Variants in TNPO3 observed in about 807,000 individuals in gnomAD.
TNPO3 encodes transportin-3.
Under a neutral mutation model 122.8 loss-of-function variants are expected in TNPO3, and 65 were observed. The observed-to-expected ratio is 0.53, with a 90% CI of 0.43 to 0.65. TNPO3 has a LOEUF of 0.65. Among genes scored for constraint, TNPO3 ranks in the 30% least tolerant of loss-of-function variants. The probability of loss-of-function intolerance (pLI) is 0.00; values close to 1 mark genes in which losing one functional copy is unlikely to be tolerated. For synonymous variants in TNPO3, 372 were observed against 411.2 expected (o/e 0.90, Z 1.15); for missense variants, 850 against 1,136.7 (o/e 0.75, Z 3.63).
chr7:129,024,107 A>G (rs1042350953), intron 1 of TNPO3, among the ~76,000 whole-genome samples: 1 of 152,212 alleles, frequency 6.6e-6, no homozygotes, highest in Non-Finnish European at 1.5e-5. Context: ...AGGAAGTGAC[A>G]TTCTGGGACT....
chr7:128,973,730 C>T (rs370972877), intron 18 of TNPO3, among the ~76,000 whole-genome samples: 15 of 43,840 alleles, frequency 3.4e-4, no homozygotes, highest in East Asian at 1.5e-3. Flanking sequence ...AGCGAGACTC[C>T]GTCTCAAAAA....
chr7:129,020,029 A>G (rs886340566), intron 1 of TNPO3, among the ~76,000 whole-genome samples: 3 of 151,944 alleles, frequency 2.0e-5, no homozygotes, highest in African/African-American at 7.3e-5. Flanking sequence ...TTAGCTGGGC[A>G]TGGTGGCATG....
chr7:128,968,953 T>C (rs1291178533), intron 20 of TNPO3, among the ~76,000 whole-genome samples: 1 of 152,012 alleles, frequency 6.6e-6, no homozygotes, highest in Non-Finnish European at 1.5e-5. Context: ...CTCAAGCTCC[T>C]GGCGTCAAGT....
chr7:128,962,620 G>A (rs1797576972), intron 21 of TNPO3, among the ~76,000 whole-genome samples: 1 of 150,806 alleles, frequency 6.6e-6, no homozygotes, highest in South Asian at 2.1e-4. Context: ...TTACTAAGAG[G>A]GGATGAGCAA....
intron 12 of TNPO3, among the ~76,000 whole-genome samples, chr7:128,986,276 A>T (rs1233062920): frequency 6.6e-6 from 1 of 152,190 alleles, no homozygotes; most frequent in African/African-American, 2.4e-5. Flanking sequence ...CTGGATAGAC[A>T]ATCACTCAGT....
At chr7:128,992,206 C>A in intron 9 of TNPO3, 116 bp from the exon 10 acceptor site, 1 of 548,564 alleles carries the variant, frequency 1.8e-6, no homozygotes, top group Non-Finnish European at 3.2e-6. Context: ...ATCTAATTAC[C>A]TCTCAAGCCA....
At chr7:129,053,781 CATTA>C (rs753119573) in intron 1 of TNPO3, among the ~76,000 whole-genome samples, 1 of 152,168 alleles carries the variant, frequency 6.6e-6, no homozygotes, top group Non-Finnish European at 1.5e-5. Context: ...GTACATCCTA[CATTA>C]GAACCTAAGT....
At chr7:128,990,404 C>T (rs1019874562) in intron 10 of TNPO3, among the ~76,000 whole-genome samples, 11 of 152,194 alleles carry the variant, frequency 7.2e-5, no homozygotes, top group Admixed American at 7.2e-4. Flanking sequence ...CAGACATTTA[C>T]TGTGGATGAA....
chr7:129,054,554 T>G (rs1326641956), intron 1 of TNPO3, 97 bp downstream of exon 1: 1 of 1,556,428 alleles, frequency 6.4e-7, no homozygotes, highest in African/African-American at 1.4e-5. Flanking sequence ...AAGGAGGACC[T>G]CACGAGGTCA....
intron 1 of TNPO3, among the ~76,000 whole-genome samples, chr7:129,043,964 A>G (rs1237659537): frequency 1.3e-5 from 2 of 152,252 alleles, no homozygotes; most frequent in Non-Finnish European, 2.9e-5. Context: ...GCTCAGTTTT[A>G]TAACCCATAT....
chr7:129,016,900 T>C (rs1803915192), intron 3 of TNPO3, 83 bp downstream of exon 3: 1 of 1,136,908 alleles, frequency 8.8e-7, no homozygotes, highest in Non-Finnish European at 1.3e-6. Flanking sequence ...AATAGTCAAA[T>C]ATCTAGCTAT....
In TNPO3 at chr7:128,972,479, A is replaced by C; in HGVS notation, c.2377T>G (p.Cys793Gly). The change falls in exon 19 of 23, where the codon TGT becomes GGT. Residue 793 changes from cysteine (C) to glycine (G), a missense_variant. Cys to Gly is a radical substitution (Grantham distance 159, BLOSUM62 -3). Transcript: ENST00000265388. ...TCTCGTAGAAACCTCATGACACTAC[A>C]ATTGGCATCCCGGTGGTCCAGGGTA... ...STTLDHRDAN[C>G]SVMRFLRDLI... 2 of 1,614,230 alleles carry C rather than the reference A, an allele frequency of 1.2e-6. No individual in the cohort carries two copies. Among genetic ancestry groups the C allele is most frequent in the Non-Finnish European group, 1.7e-6 (2 of 1,180,036 alleles).
At chr7:129,051,493 A>C (rs1265850643) in intron 1 of TNPO3, among the ~76,000 whole-genome samples, 2 of 151,702 alleles carry the variant, frequency 1.3e-5, no homozygotes, top group African/African-American at 4.9e-5. Context: ...ATGTCACCAC[A>C]CCCAACTAAT....
At chr7:129,017,631 C>CAGATGCTCA (rs1007073022) in intron 2 of TNPO3, among the ~76,000 whole-genome samples, 10 of 152,162 alleles carry the variant, frequency 6.6e-5, no homozygotes, top group Non-Finnish European at 1.0e-4. Context: ...TCTAGTTCAA[C>CAGATGCTCA]GTTTCATTCA....
At chr7:128,996,742 CAAAAAAAAAAAA>C (rs10618550) in intron 8 of TNPO3, among the ~76,000 whole-genome samples, 3 of 69,888 alleles carry the variant, frequency 4.3e-5, no homozygotes, top group South Asian at 5.8e-4. Context: ...GACTCCGTCT[CAAAAAAAAAAAA>C]AAAAAAAAAA....
At chr7:129,019,613 C>T (rs934335678) in intron 1 of TNPO3, among the ~76,000 whole-genome samples, 2 of 152,076 alleles carry the variant, frequency 1.3e-5, no homozygotes, top group African/African-American at 4.8e-5. Context: ...CTTTGGGAGG[C>T]CAAAGCAGGA....
chr7:129,054,405 T>G (rs980040123), intron 1 of TNPO3, among the ~76,000 whole-genome samples: 2 of 152,056 alleles, frequency 1.3e-5, no homozygotes, highest in African/African-American at 4.8e-5. Flanking sequence ...GATGCCACAA[T>G]CGAAGAGTAT....
At chr7:128,999,142 G>A (rs1000208970) in intron 7 of TNPO3, among the ~76,000 whole-genome samples, 17 of 151,920 alleles carry the variant, frequency 1.1e-4, no homozygotes, top group African/African-American at 3.9e-4. Context: ...CACTGCGCCC[G>A]GCCAGAAGTC....
At chr7:128,992,234 C>CT (rs1026278925) in intron 9 of TNPO3, 144 bp from the exon 10 acceptor site, 29 of 473,308 alleles carry the variant, frequency 6.1e-5, no homozygotes, top group East Asian at 1.1e-4. Context: ...ATATTATTTT[C>CT]TTTTTTTTAT....
Sources: gnomAD v4.1 joint callset for allele counts (sites outside exome capture counted in the v4.1 genomes callset) on GRCh38, gnomAD v4.1.1 for gene constraint, MANE v1.5 for transcripts, NCBI Gene and HGNC (gene_info 2026-07-23, HGNC 2026-07-21) for gene names.